Variants in ASTN2 observed in about 807,000 individuals in gnomAD.
ASTN2 encodes astrotactin 2.
A neutral mutation model predicts 139.8 loss-of-function variants in ASTN2; 54 were observed. The observed-to-expected ratio is 0.39, with a 90% confidence interval of 0.31 to 0.48. The LOEUF (loss-of-function observed/expected upper bound fraction) is 0.48. ASTN2 is among the 20% of genes least tolerant of loss of function. ASTN2 has a pLI of 0.95. For synonymous variants in ASTN2, 756 were observed against 719.5 expected (o/e 1.05, Z -0.81); for missense variants, 1,565 against 1,725.1 (o/e 0.91, Z 1.64).
At chr9:116,497,276 T>TA (rs1849698466) in intron 19 of ASTN2, among the ~76,000 whole-genome samples, 1 of 152,150 alleles carries the variant, frequency 6.6e-6, no homozygotes, top group Non-Finnish European at 1.5e-5. Flanking sequence ...AAGGAGTTTG[T>TA]AAAAAGAGCA....
intron 1 of ASTN2, among the ~76,000 whole-genome samples, chr9:117,359,181 C>G (rs543844053): frequency 3.3e-5 from 5 of 152,272 alleles, no homozygotes; most frequent in African/African-American, 7.2e-5. Context: ...CCTTCCTAAA[C>G]CCGTGCTCTT....
In ASTN2 at chr9:117,016,715, ATATATATATGTTATATATATAGGT is replaced by A. The variant is rs1837715802; in HGVS notation, c.1424-8480_1424-8457del. Among the ~76,000 whole-genome samples, 4 of 142,082 alleles carry A rather than the reference ATATATATATGTTATATATATAGGT, an allele frequency of 2.8e-5. No homozygotes were observed. In the South Asian group the frequency reaches 8.5e-4, roughly 30 times the overall value. 93.2% of individuals were successfully genotyped at this position (142,082 alleles called of 152,430 possible). A position where few individuals can be genotyped will look rare whatever the true frequency, so the allele number is the denominator to read the frequency against. ...TATATATGTTACATATATATAGGTTATATATATATGTTATATATATAGGTTATATATAGGTTTTATATATAGGTT... is the reference window on the plus strand; with the variant it reads ...TATATATGTTACATATATATAGGTTATATATATAGGTTTTATATATAGGTT... On this transcript the variant is annotated intron_variant, in intron 6 of 22. Coordinates refer to ENST00000313400, the MANE Select transcript of ASTN2 (RefSeq NM_001365068.1).
chr9:116,627,251 A>G (rs1564165117), intron 17 of ASTN2, among the ~76,000 whole-genome samples: 1 of 152,214 alleles, frequency 6.6e-6, no homozygotes, highest in Non-Finnish European at 1.5e-5. Context: ...GGTAGCAACT[A>G]GGGAGTAGCC....
chr9:117,382,168 A>G (rs1399402777), intron 1 of ASTN2, among the ~76,000 whole-genome samples: 1 of 152,142 alleles, frequency 6.6e-6, no homozygotes, highest in South Asian at 2.1e-4. Context: ...GGGAGTCAAG[A>G]AAGTGTAGAG....
At chr9:117,064,591 A>G (rs1359607409) in intron 5 of ASTN2, among the ~76,000 whole-genome samples, 3 of 152,160 alleles carry the variant, frequency 2.0e-5, no homozygotes, top group Non-Finnish European at 4.4e-5. Context: ...TATAAGTGGG[A>G]GCTAAACAAT....
chr9:117,313,279 C>T (rs1828034965), intron 1 of ASTN2, among the ~76,000 whole-genome samples: 1 of 152,186 alleles, frequency 6.6e-6, no homozygotes, highest in Non-Finnish European at 1.5e-5. Context: ...TTGGTTCTGA[C>T]CTGGCTCTTC....
chr9:117,120,012 G>GTATA (rs1194137211), intron 4 of ASTN2, among the ~76,000 whole-genome samples: 952 of 68,422 alleles, frequency 0.014, 20 homozygotes, highest in East Asian at 0.09. Flanking sequence ...GTGTGTGTGT[G>GTATA]TGTGTGTATA....
At chr9:116,528,488 TA>T (rs1851189095) in intron 19 of ASTN2, among the ~76,000 whole-genome samples, 1 of 152,130 alleles carries the variant, frequency 6.6e-6, no homozygotes, top group Admixed American at 6.6e-5. Context: ...AAGCAAAGCA[TA>T]AAAGTTTGGA....
chr9:117,406,167 G>A (rs1230336312), intron 1 of ASTN2, among the ~76,000 whole-genome samples: 1 of 152,184 alleles, frequency 6.6e-6, no homozygotes, highest in East Asian at 1.9e-4. Flanking sequence ...AGGTACATTA[G>A]CTGCTCACAG....
intron 20 of ASTN2, among the ~76,000 whole-genome samples, chr9:116,455,703 C>A: frequency 6.8e-6 from 1 of 146,442 alleles, no homozygotes; most frequent in Non-Finnish European, 1.5e-5. Flanking sequence ...TTAACAGCAA[C>A]AATAAAAAAG....
chr9:116,941,265 A>T (rs1450324848), intron 10 of ASTN2, among the ~76,000 whole-genome samples: 4 of 150,296 alleles, frequency 2.7e-5, no homozygotes, highest in Non-Finnish European at 5.9e-5. Context: ...TTTCTGGTGA[A>T]TTATCCTGGG....
chr9:117,070,965 G>A (rs1330250046), intron 5 of ASTN2, among the ~76,000 whole-genome samples: 262 of 147,392 alleles, frequency 1.8e-3, no homozygotes, highest in African/African-American at 6.2e-3. Context: ...ATGTCCTCCC[G>A]TAGCTCAGAG....
At chr9:117,380,337 T>C (rs1232296372) in intron 1 of ASTN2, among the ~76,000 whole-genome samples, 1 of 152,108 alleles carries the variant, frequency 6.6e-6, no homozygotes, top group Non-Finnish European at 1.5e-5. Flanking sequence ...CCAGGCATGG[T>C]AGCTCATGCC....
intron 2 of ASTN2, among the ~76,000 whole-genome samples, chr9:117,216,065 C>G (rs935624760): frequency 6.6e-6 from 1 of 152,182 alleles, no homozygotes; most frequent in African/African-American, 2.4e-5. Flanking sequence ...TGGCTATGAT[C>G]TCATTGAAGG....
intron 19 of ASTN2, among the ~76,000 whole-genome samples, chr9:116,512,382 T>G (rs1458942188): frequency 6.6e-6 from 1 of 152,224 alleles, no homozygotes; most frequent in Admixed American, 6.5e-5. Flanking sequence ...TGTTTTAATT[T>G]CTGTTCTTTT....
chr9:116,932,567 A>T (rs577884595), intron 10 of ASTN2, among the ~76,000 whole-genome samples: 3 of 152,180 alleles, frequency 2.0e-5, no homozygotes, highest in Admixed American at 2.0e-4. Flanking sequence ...TCAAATGTGG[A>T]TGGGAGAGTT....
At chr9:117,303,582 C>A (rs138733308) in intron 1 of ASTN2, among the ~76,000 whole-genome samples, 2 of 152,332 alleles carry the variant, frequency 1.3e-5, no homozygotes, top group African/African-American at 4.8e-5. Flanking sequence ...CCTTGTCTAT[C>A]TCTGCTCTGT....
At chr9:117,005,739 C>T (rs542699836) in intron 7 of ASTN2, among the ~76,000 whole-genome samples, 18 of 150,044 alleles carry the variant, frequency 1.2e-4, no homozygotes, top group African/African-American at 3.9e-4. Flanking sequence ...ACATACTTCT[C>T]TCTCTCTCTC....
At chr9:117,187,870 T>G (rs1305975084) in intron 3 of ASTN2, among the ~76,000 whole-genome samples, 1 of 152,232 alleles carries the variant, frequency 6.6e-6, no homozygotes, top group East Asian at 1.9e-4. Flanking sequence ...GTGTAGTATG[T>G]TACAGTTACA....
Sources: gnomAD v4.1 joint callset for allele counts (sites outside exome capture counted in the v4.1 genomes callset) on GRCh38, gnomAD v4.1.1 for gene constraint, MANE v1.5 for transcripts, NCBI Gene and HGNC (gene_info 2026-07-23, HGNC 2026-07-21) for gene names.